The following YEATS2 variants were observed in gnomAD, a reference collection of about 807,000 sequenced individuals.
The protein encoded by YEATS2 is YEATS domain containing 2, also known as YEATS domain-containing protein 2.
YEATS2 carries 77 observed loss-of-function variants against 163.2 expected under a neutral mutation model. The observed-to-expected ratio is 0.47, with a 90% CI of 0.39 to 0.57. The LOEUF is 0.57. Among genes scored for constraint, YEATS2 ranks in the 20% least tolerant of loss-of-function variants. The probability of loss-of-function intolerance (pLI) is 0.00; values close to 1 mark genes in which losing one functional copy is unlikely to be tolerated. For missense variants in YEATS2, 1,549 were observed against 1,729.8 expected, an observed-to-expected ratio of 0.90 and a Z score of 1.85; for synonymous variants, 631 against 645.1, an observed-to-expected ratio of 0.98 and a Z score of 0.33.
At chr3:183,760,233 A>G (rs1354140097) in intron 13 of YEATS2, among the ~76,000 whole-genome samples, 1 of 151,704 alleles carries the variant, frequency 6.6e-6, no homozygotes, top group East Asian at 1.9e-4. Flanking sequence ...ACAGCCAAGA[A>G]GTGTTCTTCG....
At chr3:183,762,042 T>C in intron 14 of YEATS2, 55 bp from the exon 15 acceptor site, 2 of 1,610,182 alleles carry the variant, frequency 1.2e-6, no homozygotes, top group African/African-American at 1.3e-5. Context: ...ATTAGCAGCT[T>C]TATAAAATGG....
intron 5 of YEATS2, 23 bp from the exon 6 acceptor site, chr3:183,724,396 A>T (rs1716847118): frequency 6.5e-7 from 1 of 1,544,082 alleles, no homozygotes; most frequent in Admixed American, 1.7e-5. Flanking sequence ...ATGAGAATGG[A>T]TGTTGATTAT....
intron 1 of YEATS2, among the ~76,000 whole-genome samples, chr3:183,698,944 A>G (rs1713781849): frequency 6.6e-6 from 1 of 152,164 alleles, no homozygotes; most frequent in African/African-American, 2.4e-5. Flanking sequence ...TATACTCTTT[A>G]AAAGATAGGG....
At chr3:183,732,263 A>G (rs1388239841) in intron 7 of YEATS2, among the ~76,000 whole-genome samples, 2 of 151,874 alleles carry the variant, frequency 1.3e-5, no homozygotes, top group South Asian at 2.1e-4. Flanking sequence ...AGCCTTGCCA[A>G]CATGGTGAAA....
chr3:183,749,612 A>T (rs1441558915), intron 9 of YEATS2, among the ~76,000 whole-genome samples: 1 of 152,052 alleles, frequency 6.6e-6, no homozygotes, highest in African/African-American at 2.4e-5. Flanking sequence ...CGTATGTCAG[A>T]ATTTCCTTCC....
chr3:183,741,674 A>G (rs986138383), intron 8 of YEATS2, among the ~76,000 whole-genome samples: 1 of 151,934 alleles, frequency 6.6e-6, no homozygotes, highest in African/African-American at 2.4e-5. Context: ...CCCAGCTACT[A>G]GGGAGGCTGA....
intron 30 of YEATS2, 32 bp from the exon 31 acceptor site, chr3:183,810,443 C>A (rs1332979144): frequency 1.9e-6 from 3 of 1,570,004 alleles, no homozygotes; most frequent in African/African-American, 1.4e-5. Flanking sequence ...GAGAGAATTT[C>A]ACCTGGTAAC....
intron 15 of YEATS2, among the ~76,000 whole-genome samples, chr3:183,763,835 A>G (rs1191618181): frequency 6.6e-6 from 1 of 152,076 alleles, no homozygotes; most frequent in Non-Finnish European, 1.5e-5. Context: ...TGGCAGTCCA[A>G]GGCGGACAGA....
intron 30 of YEATS2, chr3:183,809,936 G>A (rs1459710705): frequency 6.5e-6 from 1 of 153,510 alleles, no homozygotes; most frequent in Admixed American, 6.5e-5. Flanking sequence ...GAAAAGGAAG[G>A]GGAACCAAGA....
chr3:183,711,333 C>T (rs186850042), intron 1 of YEATS2, among the ~76,000 whole-genome samples: 1,603 of 151,758 alleles, frequency 0.011, 25 homozygotes, highest in African/African-American at 0.037. Context: ...ATCAGCCGGG[C>T]GTGGTGGAGG....
At chr3:183,705,664 A>AAT (rs769871115) in intron 1 of YEATS2, among the ~76,000 whole-genome samples, 14 of 152,208 alleles carry the variant, frequency 9.2e-5, no homozygotes, top group Non-Finnish European at 2.1e-4. Flanking sequence ...AATATCAACA[A>AAT]ATAGATTAAT....
chr3:183,758,084 G>A (rs186639484), intron 12 of YEATS2, among the ~76,000 whole-genome samples: 216 of 152,290 alleles, frequency 1.4e-3, no homozygotes, highest in African/African-American at 5.1e-3. Context: ...TTGGCCAGGC[G>A]TGGTGGCTCA....
chr3:183,776,603 G>A lies in YEATS2; in HGVS notation c.2577+480G>A, dbSNP rs188457794. ...GCTTGCTTTGAGAGAAGAGGAAGTA[G>A]AGATTGAGAAAGATTTTAGTAACTT... On this transcript the variant is annotated intron_variant, in intron 18 of 30. Coordinates refer to ENST00000305135, the MANE Select transcript of YEATS2 (RefSeq NM_018023.5). 1.7e-3 allele frequency among the ~76,000 whole-genome samples: 261 copies of A among 152,256 alleles called. 3 individuals are homozygous for A. The highest frequency in any genetic ancestry group is 6.1e-3 in the African/African-American group (254 of 41,552).
At chr3:183,766,751 C>T (rs765413232) in intron 15 of YEATS2, among the ~76,000 whole-genome samples, 1 of 152,158 alleles carries the variant, frequency 6.6e-6, no homozygotes, top group Non-Finnish European at 1.5e-5. Flanking sequence ...TCACTGTAGT[C>T]TCAGCCTCCC....
intron 1 of YEATS2, among the ~76,000 whole-genome samples, chr3:183,701,199 G>A (rs1577018924): frequency 6.7e-6 from 1 of 149,866 alleles, no homozygotes; most frequent in East Asian, 2.0e-4. Context: ...TCCTGCCTCA[G>A]CCTCCTGGGT....
At chr3:183,726,681 C>T (rs1340197462) in intron 6 of YEATS2, among the ~76,000 whole-genome samples, 1 of 152,142 alleles carries the variant, frequency 6.6e-6, no homozygotes, top group Non-Finnish European at 1.5e-5. Flanking sequence ...TAGGCATATT[C>T]CCTCTATGCT....
intron 12 of YEATS2, among the ~76,000 whole-genome samples, 175 bp from the exon 13 acceptor site, chr3:183,758,687 A>T (rs1410909948): frequency 1.5e-5 from 2 of 132,422 alleles, no homozygotes; most frequent in Admixed American, 8.2e-5. Context: ...TCAGCTTCAC[A>T]GGGATGGGTC....
At chr3:183,744,857 G>A (rs1290893620) in intron 8 of YEATS2, among the ~76,000 whole-genome samples, 3 of 149,006 alleles carry the variant, frequency 2.0e-5, no homozygotes, top group Non-Finnish European at 4.5e-5. Context: ...CTTTTTTTTT[G>A]TTTTTTGTTT....
intron 20 of YEATS2, among the ~76,000 whole-genome samples, chr3:183,788,259 A>C (rs1018167993): frequency 6.6e-6 from 1 of 151,536 alleles, no homozygotes; most frequent in African/African-American, 2.4e-5. Flanking sequence ...CCTTCTAACT[A>C]TATTTTTGTA....
Sources: allele counts gnomAD v4.1 joint callset (sites outside exome capture counted in the v4.1 genomes callset), GRCh38; gene constraint gnomAD v4.1.1; transcripts MANE v1.5; gene names NCBI Gene and HGNC (gene_info 2026-07-23, HGNC 2026-07-21).